The following RELN variants were observed in gnomAD, a reference collection of about 807,000 sequenced individuals.
RELN encodes reelin.
In RELN, 108 loss-of-function variants were observed where a neutral mutation model predicts 427.6. That is an observed-to-expected ratio of 0.25 (90% CI 0.22 to 0.30). RELN has a LOEUF of 0.30. Among genes scored for constraint, RELN ranks in the 10% least tolerant of loss-of-function variants. RELN has a pLI of 1.00. For missense variants in RELN, 3,715 were observed against 4,302.8 expected (o/e 0.86, Z 3.82); for synonymous variants, 1,524 against 1,513.4 (o/e 1.01, Z -0.16).
At chr7:103,980,107 G>T (rs10248660) in intron 1 of RELN, among the ~76,000 whole-genome samples, 24,862 of 151,058 alleles carry the variant, frequency 0.16, 2,107 homozygotes, top group Middle Eastern at 0.29. Flanking sequence ...TTTCGTTGAC[G>T]GAAGATCATG....
At chr7:103,534,879 A>G (rs1220931646) in intron 46 of RELN, among the ~76,000 whole-genome samples, 1 of 152,224 alleles carries the variant, frequency 6.6e-6, no homozygotes, top group African/African-American at 2.4e-5. Flanking sequence ...ATTTAAAGGT[A>G]CATTTATTTG....
At chr7:103,745,503 A>T (rs1281097579) in intron 6 of RELN, among the ~76,000 whole-genome samples, 1 of 146,088 alleles carries the variant, frequency 6.8e-6, no homozygotes, top group South Asian at 2.1e-4. Flanking sequence ...ACATGATTGT[A>T]TATCTATAAA....
chr7:103,700,029 C>T (rs1834057850), intron 9 of RELN, among the ~76,000 whole-genome samples: 1 of 151,866 alleles, frequency 6.6e-6, no homozygotes, highest in Admixed American at 6.6e-5. Flanking sequence ...ATTTATTCTG[C>T]TACCCTAAAT....
At position 103,824,059 on chromosome 7, in the gene RELN, AC is replaced by A. The variant is rs1352585395; in HGVS notation, c.473+9477del. 3.3e-5 allele frequency among the ~76,000 whole-genome samples: 5 copies of A among 151,778 alleles called. No individual in the cohort carries two copies. The highest frequency in any genetic ancestry group is 7.4e-5 in the Non-Finnish European group (5 of 67,946). On this transcript the variant is annotated intron_variant, in intron 3 of 64. Coordinates refer to ENST00000428762, the MANE Select transcript of RELN (RefSeq NM_005045.4). This position sits in a 1 kb window ranked among gnomAD's most constrained non-coding sequence, Gnocchi z 4.4. ...GGTAATCTGTCTTTTCTATTTTGTCACCTTTGATGTTTTCTGTCGTTGATAT... is the reference window on the plus strand; with the variant it reads ...GGTAATCTGTCTTTTCTATTTTGTCACTTTGATGTTTTCTGTCGTTGATAT...
At chr7:103,493,062 T>A (rs1413667426) in intron 57 of RELN, among the ~76,000 whole-genome samples, 1 of 152,118 alleles carries the variant, frequency 6.6e-6, no homozygotes, top group Non-Finnish European at 1.5e-5. Flanking sequence ...TGGAGAGTCA[T>A]TAAAGGTTTC....
intron 20 of RELN, among the ~76,000 whole-genome samples, chr7:103,623,191 C>T (rs1026796958): frequency 2.1e-4 from 32 of 152,190 alleles, no homozygotes; most frequent in Non-Finnish European, 2.2e-4. Context: ...TATCTATCTG[C>T]TAAGCTTCCT....
intron 61 of RELN, among the ~76,000 whole-genome samples, chr7:103,485,103 T>C (rs187265407): frequency 6.6e-6 from 1 of 152,138 alleles, no homozygotes; most frequent in East Asian, 1.9e-4. Context: ...TAGAAACGTA[T>C]AAATGCATAA....
intron 1 of RELN, among the ~76,000 whole-genome samples, chr7:103,979,345 T>G (rs1432683235): frequency 1.3e-5 from 2 of 152,204 alleles, no homozygotes; most frequent in Non-Finnish European, 2.9e-5. Context: ...ACATGACACA[T>G]GCCTTGCCAT....
At chr7:103,681,982 T>C (rs1044428019) in intron 11 of RELN, 134 bp downstream of exon 11, 3 of 880,558 alleles carry the variant, frequency 3.4e-6, no homozygotes, top group African/African-American at 1.7e-5. Flanking sequence ...GCACCCCTTT[T>C]GGCTTGTCTA....
intron 8 of RELN, among the ~76,000 whole-genome samples, chr7:103,701,516 T>C (rs527919107): frequency 6.6e-6 from 1 of 152,152 alleles, no homozygotes; most frequent in African/African-American, 2.4e-5. Context: ...AGTACTCTTA[T>C]GGATGTGATT....
At chr7:103,781,768 A>AT in intron 3 of RELN, among the ~76,000 whole-genome samples, 1 of 152,088 alleles carries the variant, frequency 6.6e-6, no homozygotes, top group East Asian at 1.9e-4. Context: ...CACACAATAT[A>AT]TTTTAAAATA....
At chr7:103,846,291 C>T (rs39389) in intron 2 of RELN, among the ~76,000 whole-genome samples, 80,150 of 151,930 alleles carry the variant, frequency 0.53, 21,433 homozygotes, top group African/African-American at 0.59. Context: ...TCTACAACCA[C>T]CTGATCTTTG....
At chr7:103,590,572 ATAAAT>A (rs1562909091) in intron 27 of RELN, among the ~76,000 whole-genome samples, 3 of 26,254 alleles carry the variant, frequency 1.1e-4, no homozygotes, top group African/African-American at 4.4e-4. Flanking sequence ...CAATAAATAA[ATAAAT>A]AAATAAATAA....
chr7:103,882,272 T>C (rs978342983), intron 2 of RELN, among the ~76,000 whole-genome samples: 1 of 152,164 alleles, frequency 6.6e-6, no homozygotes, highest in Non-Finnish European at 1.5e-5. Context: ...TGCTCTTGAG[T>C]GTGTCCCTGC....
chr7:103,816,372 C>G (rs1792869541), intron 3 of RELN, among the ~76,000 whole-genome samples: 1 of 151,874 alleles, frequency 6.6e-6, no homozygotes. Flanking sequence ...CAGTGAGGTT[C>G]CATCTCAAAA....
At chr7:103,693,391 T>C (rs1833911613) in intron 10 of RELN, among the ~76,000 whole-genome samples, 2 of 151,910 alleles carry the variant, frequency 1.3e-5, no homozygotes. Context: ...AAATACTTTA[T>C]GCATGTGGGG....
intron 19 of RELN, among the ~76,000 whole-genome samples, chr7:103,632,337 C>T (rs1189668340): frequency 1.3e-5 from 2 of 152,200 alleles, no homozygotes; most frequent in Non-Finnish European, 2.9e-5. Context: ...TACCTTAGTA[C>T]CCAGAGCAGT....
At chr7:103,675,915 G>A (rs1046385681) in intron 11 of RELN, among the ~76,000 whole-genome samples, 14 of 152,062 alleles carry the variant, frequency 9.2e-5, no homozygotes, top group African/African-American at 2.9e-4. Context: ...TTACATGTTA[G>A]ACCTAAAACC....
chr7:103,951,172 A>T (rs897802440), intron 1 of RELN, among the ~76,000 whole-genome samples: 1 of 152,156 alleles, frequency 6.6e-6, no homozygotes, highest in Admixed American at 6.6e-5. Flanking sequence ...TCTCCAATCT[A>T]CCAGCAATCA....
Sources: allele counts gnomAD v4.1 joint callset (sites outside exome capture counted in the v4.1 genomes callset), GRCh38; gene constraint gnomAD v4.1.1; non-coding constraint Gnocchi (gnomAD v3.1); transcripts MANE v1.5; gene names NCBI Gene and HGNC (gene_info 2026-07-23, HGNC 2026-07-21).